The following MAF variants were observed in gnomAD, a reference collection of about 807,000 sequenced individuals.
The protein encoded by MAF is transcription factor Maf.
Under a neutral mutation model 22.0 loss-of-function variants are expected in MAF, and 10 were observed. That is an observed-to-expected ratio of 0.45 (90% CI 0.28 to 0.77). MAF has a LOEUF of 0.77. MAF is among the 30% of genes least tolerant of loss of function. The probability of loss-of-function intolerance (pLI) is 0.12; values close to 1 mark genes in which losing one functional copy is unlikely to be tolerated. For missense variants in MAF, 544 were observed against 548.4 expected (o/e 0.99, Z 0.08); for synonymous variants, 337 against 255.8 (o/e 1.32, Z -3.03).
chr16:79,541,350 C>T, the MAF span, among the ~76,000 whole-genome samples: 1 of 152,116 alleles, frequency 6.6e-6, no homozygotes, highest in Non-Finnish European at 1.5e-5. Flanking sequence ...CCTGTTCGTG[C>T]AGAAAATATT....
At chr16:79,546,420 G>C in the MAF span, among the ~76,000 whole-genome samples, 1 of 152,144 alleles carries the variant, frequency 6.6e-6, no homozygotes, top group Admixed American at 6.5e-5. Flanking sequence ...TGGGCTGGGA[G>C]AAGAGATAGA....
chr16:79,513,318 C>T, the MAF span, among the ~76,000 whole-genome samples: 1,928 of 152,332 alleles, frequency 0.013, 39 homozygotes, highest in African/African-American at 0.044. Flanking sequence ...AACTGACTAG[C>T]TATGTGGCCA....
At chr16:79,387,445 G>T in the MAF span, among the ~76,000 whole-genome samples, 1 of 152,178 alleles carries the variant, frequency 6.6e-6, no homozygotes. Flanking sequence ...AAACCACCAG[G>T]TCAATGCATG....
At chr16:79,211,706 A>C in the MAF span, 1 of 1,614,166 alleles carries the variant, frequency 6.2e-7, no homozygotes, top group Admixed American at 1.7e-5. Flanking sequence ...GCATGCCCTC[A>C]CCAGAAGCTC....
At chr16:79,222,790 GGT>G in the MAF span, among the ~76,000 whole-genome samples, 1 of 152,122 alleles carries the variant, frequency 6.6e-6, no homozygotes, top group Non-Finnish European at 1.5e-5. Context: ...ATTACATAAT[GGT>G]AAAGGGATCA....
chr16:79,305,179 G>C, the MAF span, among the ~76,000 whole-genome samples: 2 of 152,202 alleles, frequency 1.3e-5, no homozygotes, highest in African/African-American at 2.4e-5. Context: ...CAGGGGAAGG[G>C]AGAGTCATCC....
the MAF span, among the ~76,000 whole-genome samples, chr16:79,209,295 G>T: frequency 3.9e-5 from 6 of 152,336 alleles, no homozygotes; most frequent in Middle Eastern, 3.4e-3. Context: ...TGGGACTGCA[G>T]AATTTCTTAG....
Position 79,594,314 on chromosome 16 carries a change from T to A in MAF, c.*146A>T. ...CCCCCAGACAAGAGGCATAGTTAAC[T>A]ACTACATTTAATAGCCTTCTTCTCT... On this transcript the variant is annotated 3_prime_UTR_variant, in exon 2 of 2. Transcript: ENST00000326043. 2.6e-6 allele frequency: 2 copies of A among 775,204 alleles called. No homozygotes were observed. Among genetic ancestry groups the A allele is most frequent in the Non-Finnish European group, 4.3e-6 (2 of 462,644 alleles). 48.0% of individuals were successfully genotyped at this position (775,204 alleles called of 1,614,324 possible).
chr16:79,528,092 A>G, the MAF span, among the ~76,000 whole-genome samples: 2 of 152,154 alleles, frequency 1.3e-5, no homozygotes, highest in African/African-American at 2.4e-5. Flanking sequence ...CAGTGAGCCT[A>G]GATTATGCCA....
the MAF span, among the ~76,000 whole-genome samples, chr16:79,353,686 G>A: frequency 6.6e-6 from 1 of 152,108 alleles, no homozygotes; most frequent in Non-Finnish European, 1.5e-5. Context: ...CTTTGGAGAG[G>A]AGGCAACTGA....
chr16:79,358,855 C>A, the MAF span, among the ~76,000 whole-genome samples: 3 of 152,186 alleles, frequency 2.0e-5, no homozygotes, highest in Admixed American at 2.0e-4. Context: ...GGTAGGCCAA[C>A]AGGATGCTGC....
At chr16:79,352,282 A>G in the MAF span, among the ~76,000 whole-genome samples, 4 of 151,974 alleles carry the variant, frequency 2.6e-5, no homozygotes, top group Non-Finnish European at 5.9e-5. Context: ...TCAATGCAAG[A>G]CTCCTTAGAA....
chr16:79,598,581 G>GGTGTGTGTGTGTGT lies in MAF; in HGVS notation c.1118+190_1118+203dup. ...CACCACAAACTCGAGCAGGGTGTGG[G>GGTGTGTGTGTGTGT]GTGTGTGTGTGTGTGTGTGTGTGTG... On this transcript the variant is annotated intron_variant, in intron 1 of 1. Coordinates refer to ENST00000326043, the MANE Select transcript of MAF (RefSeq NM_005360.5). The GGTGTGTGTGTGTGT allele has an allele frequency of 9.2e-6, 13 of 1,409,628 alleles. No homozygotes were observed. In the South Asian group the frequency reaches 1.3e-4, roughly 14 times the overall value. 87.3% of individuals were successfully genotyped at this position (1,409,628 alleles called of 1,614,324 possible).
the MAF span, among the ~76,000 whole-genome samples, chr16:79,413,872 T>G: frequency 6.6e-6 from 1 of 152,172 alleles, no homozygotes; most frequent in African/African-American, 2.4e-5. Context: ...GAAGAAAGAT[T>G]GGCAAAAGTA....
At chr16:79,515,953 GCC>G in the MAF span, 1 of 120,338 alleles carries the variant, frequency 8.3e-6, no homozygotes, top group Admixed American at 1.1e-4. Context: ...CAAAAATTAA[GCC>G]TTTTTTTTTT....
rs1469397199 is a variant in MAF at position 79,594,148 on chromosome 16, T to C, written c.*312A>G. On this transcript the variant is annotated 3_prime_UTR_variant, in exon 2 of 2. Coordinates refer to ENST00000326043, the MANE Select transcript of MAF (RefSeq NM_005360.5). ...TTGCATTCCGGGAAACTTTCCATTA[T>C]ATATATGCATATATATGTATCTTTG... The C allele has an allele frequency of 1.1e-5, 4 of 354,808 alleles. No individual in the cohort carries two copies. The East Asian group carries it at 1.3e-4, about 11-fold the overall frequency. 22.0% of individuals were successfully genotyped at this position (354,808 alleles called of 1,614,324 possible). A position where few individuals can be genotyped will look rare whatever the true frequency, so the allele number is the denominator to read the frequency against.
the MAF span, among the ~76,000 whole-genome samples, chr16:79,318,730 C>A: frequency 6.6e-6 from 1 of 152,164 alleles, no homozygotes; most frequent in South Asian, 2.1e-4. Context: ...CACCTGTTCC[C>A]TGAATATCAA....
chr16:79,251,921 G>A, the MAF span, among the ~76,000 whole-genome samples: 1 of 152,338 alleles, frequency 6.6e-6, no homozygotes, highest in Admixed American at 6.5e-5. Flanking sequence ...TTGGTTATCA[G>A]TGGAACCCTT....
At chr16:79,477,981 C>A in the MAF span, among the ~76,000 whole-genome samples, 5 of 151,870 alleles carry the variant, frequency 3.3e-5, no homozygotes, top group Admixed American at 2.6e-4. Flanking sequence ...CTCAGCCTCC[C>A]AACGGCTGGG....
Sources: gnomAD v4.1 joint callset for allele counts (sites outside exome capture counted in the v4.1 genomes callset) on GRCh38, gnomAD v4.1.1 for gene constraint, MANE v1.5 for transcripts, NCBI Gene and HGNC (gene_info 2026-07-23, HGNC 2026-07-21) for gene names.